The following SNX9 variants were observed in gnomAD, a reference collection of about 807,000 sequenced individuals.
SNX9 encodes sorting nexin 9, also known as sorting nexin-9.
A neutral mutation model predicts 89.4 loss-of-function variants in SNX9; 44 were observed. The observed-to-expected ratio is 0.49, with a 90% CI of 0.39 to 0.63. The LOEUF (loss-of-function observed/expected upper bound fraction) is 0.63. Ranked by LOEUF, SNX9 falls within the 30% of genes least tolerant of loss-of-function variation. The probability of loss-of-function intolerance (pLI) is 0.00; values close to 1 mark genes in which losing one functional copy is unlikely to be tolerated. For missense variants in SNX9, 578 were observed against 736.1 expected (o/e 0.79, Z 2.49); for synonymous variants, 236 against 247.8 (o/e 0.95, Z 0.45).
chr6:157,909,603 A>G (rs1027296145), intron 7 of SNX9, 62 bp from the exon 8 acceptor site: 3 of 1,590,718 alleles, frequency 1.9e-6, no homozygotes, highest in Admixed American at 1.7e-5. Flanking sequence ...GCTGATTCAC[A>G]TCAATTGTAT....
chr6:157,858,096 G>A (rs941648692), intron 1 of SNX9, among the ~76,000 whole-genome samples: 1 of 152,132 alleles, frequency 6.6e-6, no homozygotes, highest in East Asian at 1.9e-4. Flanking sequence ...GCCAGGTTCA[G>A]TGGTAGCACA....
At position 157,943,971 on chromosome 6, in the gene SNX9, G is replaced by T; in HGVS notation, c.*1133G>T. The T allele has an allele frequency of 6.6e-6, 1 of 152,310 alleles. No homozygotes were observed. Among genetic ancestry groups the T allele is most frequent in the South Asian group, 2.1e-4 (1 of 4,820 alleles). The allele number at this position is 152,310 out of a possible 1,614,324, so 9.4% of individuals were successfully genotyped here. On this transcript the variant is annotated 3_prime_UTR_variant, in exon 18 of 18. Transcript: ENST00000392185. ...TGTACAGAGTCCCCGGCGCTCTGAG[G>T]TTGGAGAGAAAGAACAGACCAGCGC...
chr6:157,921,068 A>T (rs1247965367), intron 9 of SNX9, among the ~76,000 whole-genome samples: 1 of 152,262 alleles, frequency 6.6e-6, no homozygotes, highest in Non-Finnish European at 1.5e-5. Context: ...TTTTGATAAT[A>T]TGGAAATACC....
intron 6 of SNX9, among the ~76,000 whole-genome samples, chr6:157,902,721 G>T (rs951637087): frequency 6.6e-6 from 1 of 152,126 alleles, no homozygotes; most frequent in Non-Finnish European, 1.5e-5. Flanking sequence ...AGGCTGAAGT[G>T]CAGTGGTGCG....
rs1310979335 is a variant in SNX9 at position 157,915,667 on chromosome 6, AC to A, written c.949+5643del. Among the ~76,000 whole-genome samples, 646 of 138,124 alleles carry A rather than the reference AC, an allele frequency of 4.7e-3. 1 individual carries two copies. Among genetic ancestry groups the A allele is most frequent in the East Asian group, 0.014 (65 of 4,762 alleles). The allele number at this position is 138,124 out of a possible 152,430, so 90.6% of individuals were successfully genotyped here. A position where few individuals can be genotyped will look rare whatever the true frequency, so the allele number is the denominator to read the frequency against. ...TATATATATATATATACACACACACACACAAAAATTAGCCAGGCGTGGTGGC... is the reference window on the plus strand; with the variant it reads ...TATATATATATATATACACACACACAACAAAAATTAGCCAGGCGTGGTGGC... On this transcript the variant is annotated intron_variant, in intron 9 of 17. Transcript: ENST00000392185.
At chr6:157,825,430 A>C (rs114246504) in intron 1 of SNX9, among the ~76,000 whole-genome samples, 1 of 152,226 alleles carries the variant, frequency 6.6e-6, no homozygotes, top group Non-Finnish European at 1.5e-5. Flanking sequence ...TTTTTATTTC[A>C]TAGTTAATCC....
intron 17 of SNX9, among the ~76,000 whole-genome samples, chr6:157,941,721 G>C (rs896944219): frequency 6.6e-6 from 1 of 152,132 alleles, no homozygotes; most frequent in East Asian, 1.9e-4. Context: ...TGGCATCTGC[G>C]AGCTGGACAC....
chr6:157,905,938 C>T (rs1426593717), intron 6 of SNX9, among the ~76,000 whole-genome samples, 190 bp from the exon 7 acceptor site: 1 of 152,216 alleles, frequency 6.6e-6, no homozygotes, highest in Admixed American at 6.5e-5. Context: ...TTTACCAGAT[C>T]AAGCTTAATT....
intron 1 of SNX9, among the ~76,000 whole-genome samples, chr6:157,853,323 A>G (rs1781947923): frequency 6.6e-6 from 1 of 151,476 alleles, no homozygotes; most frequent in Non-Finnish European, 1.5e-5. Context: ...TCTTTGTTCC[A>G]CTGTATGTAA....
At chr6:157,905,387 T>A (rs1262013376) in intron 6 of SNX9, among the ~76,000 whole-genome samples, 1 of 152,244 alleles carries the variant, frequency 6.6e-6, no homozygotes, top group Non-Finnish European at 1.5e-5. Context: ...AGAAAAATTC[T>A]AAAACCCAAA....
At chr6:157,893,669 A>G (rs2115161104) in intron 4 of SNX9, among the ~76,000 whole-genome samples, 1 of 151,644 alleles carries the variant, frequency 6.6e-6, no homozygotes. Context: ...TTGCTATTTC[A>G]TGTTATGAAA....
At position 157,907,087 on chromosome 6, in the gene SNX9, A is replaced by T. The variant is rs567865594; in HGVS notation, c.705+875A>T. ...GAAGCCTCCAAGCTGAAGAGCTGTA[A>T]CCAAGAGCCCTTTTTATGCTTTTTC... On this transcript the variant is annotated intron_variant, in intron 7 of 17. Transcript: ENST00000392185. Among the ~76,000 whole-genome samples the T allele has an allele frequency of 2.6e-4, 40 of 152,320 alleles. 1 individual carries two copies. In the South Asian group the frequency reaches 6.8e-3, roughly 26 times the overall value.
At position 157,914,714 on chromosome 6, in the gene SNX9, G is replaced by A. The variant is rs559186109; in HGVS notation, c.949+4689G>A. 2.4e-3 allele frequency among the ~76,000 whole-genome samples: 368 copies of A among 152,154 alleles called. 1 individual carries two copies. Among genetic ancestry groups the A allele is most frequent in the Non-Finnish European group, 3.8e-3 (257 of 67,998 alleles). On this transcript the variant is annotated intron_variant, in intron 9 of 17. Transcript: ENST00000392185. ...GCTGGTCTCGAAGTCCTGAGCTCAAGCGGTCCACCCACTTCGGCCTCCCAA... is the reference window on the plus strand; with the variant it reads ...GCTGGTCTCGAAGTCCTGAGCTCAAACGGTCCACCCACTTCGGCCTCCCAA...
intron 4 of SNX9, 33 bp downstream of exon 4, chr6:157,875,209 G>T: frequency 6.3e-7 from 1 of 1,587,978 alleles, no homozygotes. Flanking sequence ...GGATGTGGCT[G>T]GCTTTACGGA....
intron 10 of SNX9, among the ~76,000 whole-genome samples, chr6:157,924,244 T>G (rs1438758804): frequency 6.6e-6 from 1 of 151,658 alleles, no homozygotes; most frequent in Non-Finnish European, 1.5e-5. Context: ...CAAATTAGCT[T>G]TAAAGTAAGA....
chr6:157,943,087 A>T lies in SNX9; in HGVS notation c.*249A>T. 5.7e-6 allele frequency: 2 copies of T among 350,276 alleles called. No homozygotes were observed. The highest frequency in any genetic ancestry group is 4.7e-5 in the Admixed American group (1 of 21,188). The allele number at this position is 350,276 out of a possible 1,614,324, so 21.7% of individuals were successfully genotyped here. A position where few individuals can be genotyped will look rare whatever the true frequency, so the allele number is the denominator to read the frequency against. ...GTCTCTATTTTTGGAAAGTACTTAAAAGTTACCAGAATTTTCAATGGAAAA... is the reference window on the plus strand; with the variant it reads ...GTCTCTATTTTTGGAAAGTACTTAATAGTTACCAGAATTTTCAATGGAAAA... On this transcript the variant is annotated 3_prime_UTR_variant, in exon 18 of 18. Coordinates refer to ENST00000392185, the MANE Select transcript of SNX9 (RefSeq NM_016224.5).
chr6:157,895,778 T>G (rs1384633597), intron 4 of SNX9, among the ~76,000 whole-genome samples: 1 of 152,164 alleles, frequency 6.6e-6, no homozygotes, highest in Non-Finnish European at 1.5e-5. Flanking sequence ...AGGCCATTGT[T>G]TCAGAGTTCC....
intron 4 of SNX9, among the ~76,000 whole-genome samples, chr6:157,891,249 A>G (rs113839599): frequency 0.12 from 17,602 of 151,706 alleles, 1,556 homozygotes; most frequent in African/African-American, 0.25. Flanking sequence ...GGCTGGTCTC[A>G]AACTCCTGAC....
chr6:157,834,346 ATTTT>A (rs545841463), intron 1 of SNX9, among the ~76,000 whole-genome samples: 1 of 133,268 alleles, frequency 7.5e-6, no homozygotes. Flanking sequence ...ATTTAAAAGA[ATTTT>A]TTTTTTTTTT....
Sources: gnomAD v4.1 joint callset for allele counts (sites outside exome capture counted in the v4.1 genomes callset) on GRCh38, gnomAD v4.1.1 for gene constraint, MANE v1.5 for transcripts, NCBI Gene and HGNC (gene_info 2026-07-23, HGNC 2026-07-21) for gene names.